Variants in DEF6 observed in about 807,000 individuals in gnomAD.
DEF6 encodes the protein DEF6 guanine nucleotide exchange factor.
DEF6 carries 32 observed loss-of-function variants against 80.5 expected under a neutral mutation model. That is an observed-to-expected ratio of 0.40 (90% CI 0.30 to 0.53). DEF6 has a LOEUF of 0.53. DEF6 is among the 20% of genes least tolerant of loss of function. DEF6 has a pLI of 0.57. For missense variants in DEF6, 575 were observed against 818.7 expected (o/e 0.70, Z 3.63); for synonymous variants, 300 against 337.9 (o/e 0.89, Z 1.23).
chr6:35,300,147 G>A (rs756960969), intron 1 of DEF6, among the ~76,000 whole-genome samples: 5 of 152,146 alleles, frequency 3.3e-5, no homozygotes, highest in Non-Finnish European at 7.4e-5. Flanking sequence ...TCAGCCTCCT[G>A]AGTAGCTGGG....
intron 2 of DEF6, 50 bp from the exon 3 acceptor site, chr6:35,310,409 C>T (rs140374568): frequency 6.2e-5 from 99 of 1,595,832 alleles, no homozygotes; most frequent in Non-Finnish European, 7.9e-5. Context: ...AGCCTAGTGT[C>T]GTGGTAGAGC....
In DEF6 at chr6:35,319,804, ACACT is replaced by A. The variant is rs779656420; in HGVS notation, c.1383-11_1383-8del. On this transcript the variant is annotated splice_polypyrimidine_tract_variant and intron_variant, in intron 8 of 10. Coordinates refer to ENST00000316637, the MANE Select transcript of DEF6 (RefSeq NM_022047.4). This position sits in a 1 kb window ranked among gnomAD's most constrained non-coding sequence, Gnocchi z 4.5. ...CTTGGCACTAGAGGCTACACAGTAC[ACACT>A]CACCCGGCAGACTGCTGGAAGAGGA... 3.0e-5 allele frequency: 48 copies of A among 1,603,512 alleles called. No homozygotes were observed. In the East Asian group the frequency reaches 9.9e-4, roughly 33 times the overall value.
chr6:35,314,619 G>T (rs9462070), intron 5 of DEF6, among the ~76,000 whole-genome samples: 6,227 of 152,064 alleles, frequency 0.041, 448 homozygotes, highest in African/African-American at 0.14. Flanking sequence ...GGATTATTTG[G>T]TTTTTTGTTA....
intron 5 of DEF6, among the ~76,000 whole-genome samples, chr6:35,314,810 G>A (rs1791506497): frequency 9.0e-6 from 1 of 111,720 alleles, no homozygotes; most frequent in Non-Finnish European, 2.0e-5. Context: ...GGTTGCCTAT[G>A]CTTTTGAGGT....
At chr6:35,313,580 T>C (rs1159460420) in intron 5 of DEF6, among the ~76,000 whole-genome samples, 1 of 152,220 alleles carries the variant, frequency 6.6e-6, no homozygotes, top group Non-Finnish European at 1.5e-5. Flanking sequence ...TGTATGTTTA[T>C]ACCCATTCAT....
At chr6:35,315,829 G>A (rs371617764) in intron 5 of DEF6, among the ~76,000 whole-genome samples, 66 of 146,738 alleles carry the variant, frequency 4.5e-4, no homozygotes, top group Non-Finnish European at 8.5e-4. Context: ...CAACTCTAAC[G>A]GTTTTTTGTT....
intron 5 of DEF6, chr6:35,317,655 G>A: frequency 2.1e-6 from 1 of 477,668 alleles, no homozygotes; most frequent in Admixed American, 3.6e-5. Flanking sequence ...TGGGCCCCGT[G>A]GAATAATAGC....
Position 35,309,664 on chromosome 6 carries a change from T to G in DEF6, c.97-6T>G. 3.1e-6 allele frequency: 5 copies of G among 1,613,354 alleles called. No individual in the cohort carries two copies. Among genetic ancestry groups the G allele is most frequent in the Non-Finnish European group, 4.2e-6 (5 of 1,179,628 alleles). ...AAAGACACACTGCCACTCTACTCTA[T>G]CCCAGGTGCTGTCCCACAACCTGTA... On this transcript the variant is annotated splice_polypyrimidine_tract_variant and splice_region_variant and intron_variant, in intron 1 of 10. Transcript: ENST00000316637.
At chr6:35,307,619 T>C (rs1401825603) in intron 1 of DEF6, among the ~76,000 whole-genome samples, 2 of 152,218 alleles carry the variant, frequency 1.3e-5, no homozygotes, top group South Asian at 2.1e-4. Context: ...GGCAAGACTT[T>C]CCTGGAATTA....
At chr6:35,313,505 A>G (rs1318778908) in intron 5 of DEF6, 2 of 313,888 alleles carry the variant, frequency 6.4e-6, no homozygotes, top group Non-Finnish European at 1.2e-5. Flanking sequence ...TATACAATAG[A>G]TTATTGTAAA....
intron 1 of DEF6, among the ~76,000 whole-genome samples, chr6:35,306,527 A>G (rs774032305): frequency 3.6e-4 from 55 of 151,680 alleles, no homozygotes; most frequent in Non-Finnish European, 7.4e-4. Context: ...AAAAAAAAAG[A>G]TGAAAGTTTC....
intron 1 of DEF6, among the ~76,000 whole-genome samples, chr6:35,306,779 T>G (rs1032462095): frequency 1.3e-5 from 2 of 152,250 alleles, no homozygotes; most frequent in Non-Finnish European, 2.9e-5. Flanking sequence ...TGTCTGTTCA[T>G]ATAAACATAA....
rs187718577 is a variant in DEF6 at position 35,309,499 on chromosome 6, G to A, written c.97-171G>A. 2.4e-4 allele frequency among the ~76,000 whole-genome samples: 36 copies of A among 152,292 alleles called. No homozygotes were observed. In the East Asian group the frequency reaches 6.6e-3, roughly 28 times the overall value. On this transcript the variant is annotated intron_variant, in intron 1 of 10. Transcript: ENST00000316637. ...AGCAAATGATATGTAAAGTACTTTA[G>A]CTCAGTGCTTGGCACATAGTATATA...
intron 1 of DEF6, among the ~76,000 whole-genome samples, chr6:35,308,314 T>TGAGGCCAGCAGTTC (rs1298126787): frequency 2.0e-5 from 3 of 151,672 alleles, no homozygotes; most frequent in Non-Finnish European, 2.9e-5. Context: ...GAGGATCACT[T>TGAGGCCAGCAGTTC]GAGGCCAGCA....
At chr6:35,321,153 C>G in intron 10 of DEF6, 34 bp from the exon 11 acceptor site, 1 of 1,606,922 alleles carries the variant, frequency 6.2e-7, no homozygotes, top group Middle Eastern at 2.2e-4. Context: ...CTTTGCATGC[C>G]TTTCTCCTTA....
chr6:35,318,613 A>C lies in DEF6; in HGVS notation c.1215+142A>C. The C allele has an allele frequency of 1.3e-6, 1 of 790,812 alleles. No individual in the cohort carries two copies. The highest frequency in any genetic ancestry group is 1.8e-6 in the Non-Finnish European group (1 of 570,432). 49.0% of individuals were successfully genotyped at this position (790,812 alleles called of 1,614,324 possible). On this transcript the variant is annotated intron_variant, in intron 7 of 10. Transcript: ENST00000316637. This position sits in a 1 kb window ranked among gnomAD's most constrained non-coding sequence, Gnocchi z 5.1. ...ACTGGGGTGGAGCTTGAAATGAGGGATTGTTGGGACAGAGTCCGCGGGTTT... is the reference window on the plus strand; with the variant it reads ...ACTGGGGTGGAGCTTGAAATGAGGGCTTGTTGGGACAGAGTCCGCGGGTTT...
chr6:35,309,628 T>C, intron 1 of DEF6, 42 bp from the exon 2 acceptor site: 2 of 1,599,086 alleles, frequency 1.3e-6, no homozygotes. Context: ...CCAGTTTTGG[T>C]TGGGGTGCAG....
chr6:35,309,040 C>G (rs1477716470), intron 1 of DEF6, among the ~76,000 whole-genome samples: 2 of 152,150 alleles, frequency 1.3e-5, no homozygotes, highest in Admixed American at 6.5e-5. Context: ...TTTTCATGAC[C>G]CTTCTTTGAG....
In DEF6 at chr6:35,319,859, C is replaced by G. The variant is rs758504645; in HGVS notation, c.1423C>G (p.Gln475Glu). The change falls in exon 9 of 11, where the codon CAG becomes GAG. Residue 475 changes from glutamine to glutamate, a missense_variant. Physicochemically the swap from Gln to Glu is conservative, Grantham distance 29 (BLOSUM62 2). Transcript: ENST00000316637. This position sits in a 1 kb window ranked among gnomAD's most constrained non-coding sequence, Gnocchi z 4.5. ...EEEEKLKQLM[Q>E]LKEEQERYIE... is the part of the protein sequence containing the mutation. Reference sequence around the variant, plus strand: ...GGAAGAGAAGCTGAAGCAGTTGATGCAGCTGAAGGAGGAGCAGGAGCGCTA... The same window carrying G: ...GGAAGAGAAGCTGAAGCAGTTGATGGAGCTGAAGGAGGAGCAGGAGCGCTA... 3.8e-6 allele frequency: 6 copies of G among 1,587,798 alleles called. No homozygotes were observed. The South Asian group carries it at 6.8e-5, about 18-fold the overall frequency.
Sources: gnomAD v4.1 joint callset for allele counts (sites outside exome capture counted in the v4.1 genomes callset) on GRCh38, gnomAD v4.1.1 for gene constraint, Gnocchi (gnomAD v3.1) non-coding constraint, MANE v1.5 for transcripts, NCBI Gene and HGNC (gene_info 2026-07-23, HGNC 2026-07-21) for gene names.